The following TTF2 variants were observed in gnomAD, a reference collection of about 807,000 sequenced individuals.
The protein encoded by TTF2 is transcription termination factor 2.
TTF2 carries 108 observed loss-of-function variants against 142.4 expected under a neutral mutation model. That is an observed-to-expected ratio of 0.76 (90% CI 0.65 to 0.89). The LOEUF (loss-of-function observed/expected upper bound fraction) is 0.89, where lower values mean the gene tolerates loss of function less well. TTF2 is among the 40% of genes least tolerant of loss of function. The pLI is 0.00. For synonymous variants in TTF2, 483 were observed against 506.2 expected (o/e 0.95, Z 0.61); for missense variants, 1,327 against 1,379.8 (o/e 0.96, Z 0.61).
chr1:117,086,581 T>G lies in TTF2; in HGVS notation c.2160+59T>G. On this transcript the variant is annotated intron_variant, in intron 12 of 22. Transcript: ENST00000369466. The surrounding 1 kb of genome is among the most constrained non-coding windows in gnomAD (Gnocchi z 4.2). ...GGAGCCACAGATGGTTTAATGGGAG[T>G]CTTTCTCAGCCTCCACGATAGCAAG... 2 of 1,260,172 alleles carry G rather than the reference T, an allele frequency of 1.6e-6. No homozygotes were observed. The highest frequency in any genetic ancestry group is 2.3e-6 in the Non-Finnish European group (2 of 868,442). The allele number at this position is 1,260,172 out of a possible 1,614,324, so 78.1% of individuals were successfully genotyped here.
In TTF2 at chr1:117,096,122, A is replaced by AT. The variant is rs751401864; in HGVS notation, c.3036-20dup. 9.7e-5 allele frequency: 157 copies of AT among 1,612,964 alleles called. 1 individual carries two copies. In the South Asian group the frequency reaches 1.6e-3, roughly 17 times the overall value. On this transcript the variant is annotated intron_variant, in intron 19 of 22. Transcript: ENST00000369466. ...GAGTCTGTTTAATCTATGTTAGGGT[A>AT]TTTTTTTATTTTATTCTTCTTTCCA...
chr1:117,101,373 T>A lies in TTF2; in HGVS notation c.3345-7T>A. On this transcript the variant is annotated splice_region_variant and splice_polypyrimidine_tract_variant and intron_variant, in intron 22 of 22. Transcript: ENST00000369466. The surrounding 1 kb of genome is among the most constrained non-coding windows in gnomAD (Gnocchi z 5.9). ...TAGTTTGCTTATTTTTTGTTTTTGT[T>A]TTTTAGATTTGTTTGTGAGGGAACA... is the stretch of plus-strand genomic sequence containing the variant. The A allele has an allele frequency of 6.4e-7, 1 of 1,573,234 alleles. No homozygotes were observed. The highest frequency in any genetic ancestry group is 1.2e-5 in the South Asian group (1 of 84,078).
chr1:117,087,003 C>T lies in TTF2; in HGVS notation c.2160+481C>T, dbSNP rs960242708. On this transcript the variant is annotated intron_variant, in intron 12 of 22. Transcript: ENST00000369466. The surrounding 1 kb of genome is among the most constrained non-coding windows in gnomAD (Gnocchi z 4.8). ...AGAGGCTAAGTGACAATTGTGAATA[C>T]GTGATGGTCTTCTAGGGTGTCCAGG... 3.3e-5 allele frequency among the ~76,000 whole-genome samples: 5 copies of T among 151,618 alleles called. No homozygotes were observed. Among genetic ancestry groups the T allele is most frequent in the South Asian group, 2.1e-4 (1 of 4,820 alleles).
In TTF2 at chr1:117,060,382, G is replaced by C; in HGVS notation, c.28+8G>C. ...TTAGGTGTCCAGAGCACGGTAAGGG[G>C]CTAGGGTCTCAGCGTCCCGGGGCCT... On this transcript the variant is annotated splice_region_variant and intron_variant, in intron 1 of 22. Coordinates refer to ENST00000369466, the MANE Select transcript of TTF2 (RefSeq NM_003594.4). 6.2e-7 allele frequency: 1 copy of C among 1,608,410 alleles called. No individual in the cohort carries two copies. The highest frequency in any genetic ancestry group is 8.5e-7 in the Non-Finnish European group (1 of 1,176,550).
intron 7 of TTF2, among the ~76,000 whole-genome samples, chr1:117,077,275 A>G (rs1468654520): frequency 6.6e-6 from 1 of 152,170 alleles, no homozygotes; most frequent in African/African-American, 2.4e-5. Flanking sequence ...GAAGTTGCCC[A>G]TATAATAAAG....
Position 117,099,375 on chromosome 1 carries a change from A to G in TTF2, c.3344+468A>G, listed in dbSNP as rs796512338. 8.5e-5 allele frequency among the ~76,000 whole-genome samples: 13 copies of G among 152,264 alleles called. No individual in the cohort carries two copies. Among genetic ancestry groups the G allele is most frequent in the African/African-American group, 2.9e-4 (12 of 41,542 alleles). ...TAAAATTAAGGGAATTCTCTTACGT[A>G]ACCCCAATAAAATCATCAAAATCAG... On this transcript the variant is annotated intron_variant, in intron 22 of 22. Coordinates refer to ENST00000369466, the MANE Select transcript of TTF2 (RefSeq NM_003594.4). The surrounding 1 kb of genome is among the most constrained non-coding windows in gnomAD (Gnocchi z 4.3).
At chr1:117,072,215 CT>C (rs1289616067) in intron 3 of TTF2, among the ~76,000 whole-genome samples, 9 of 151,922 alleles carry the variant, frequency 5.9e-5, no homozygotes, top group Non-Finnish European at 1.3e-4. Flanking sequence ...ATTCAGCCTT[CT>C]TTTTTTGGTG....
chr1:117,083,039 G>C (rs535915194), intron 10 of TTF2, among the ~76,000 whole-genome samples: 4 of 151,954 alleles, frequency 2.6e-5, no homozygotes, highest in African/African-American at 9.7e-5. Context: ...TCAGGAGACC[G>C]AGACCATCCT....
chr1:117,075,382 TCA>T lies in TTF2; in HGVS notation c.801_802del (p.His267GlnfsTer24), dbSNP rs1339591198. 6.2e-7 allele frequency: 1 copy of T among 1,614,074 alleles called. No individual in the cohort carries two copies. Among genetic ancestry groups the T allele is most frequent in the Admixed American group, 1.7e-5 (1 of 60,012 alleles). ...TTACCCAGCTTTTGCCTCAAAATGT[TCA>T]CAGTCACAACTCAATAAGCAAGCCC... ...KVTQLLPQNV[H>X]SHNSISKPQK... On this transcript the variant is annotated frameshift_variant, in exon 5 of 23. Transcript: ENST00000369466. LOFTEE classifies it high-confidence loss of function. This position sits in a 1 kb window ranked among gnomAD's most constrained non-coding sequence, Gnocchi z 4.5.
Position 117,075,946 on chromosome 1 carries a change from A to C in TTF2, c.1275+87A>C. On this transcript the variant is annotated intron_variant, in intron 5 of 22. Coordinates refer to ENST00000369466, the MANE Select transcript of TTF2 (RefSeq NM_003594.4). This position sits in a 1 kb window ranked among gnomAD's most constrained non-coding sequence, Gnocchi z 4.5. The stretch of plus-strand genomic sequence containing the variant: ...AGATCTCATTGCTACAGAAGGGTTA[A>C]ATATGTTCATGTGAAGGTTTTATAG... 1 of 1,499,512 alleles carries C rather than the reference A, an allele frequency of 6.7e-7. No homozygotes were observed. Among genetic ancestry groups the C allele is most frequent in the African/African-American group, 1.4e-5 (1 of 71,580 alleles). 92.9% of individuals were successfully genotyped at this position (1,499,512 alleles called of 1,614,324 possible).
Position 117,075,247 on chromosome 1 carries a change from T to G in TTF2, c.663T>G (p.Ser221=). 6.2e-7 allele frequency: 1 copy of G among 1,614,052 alleles called. No homozygotes were observed. Among genetic ancestry groups the G allele is most frequent in the East Asian group, 2.2e-5 (1 of 44,892 alleles). The change falls in exon 5 of 23, where the codon TCT becomes TCG. Residue 221 remains serine, a synonymous_variant. Coordinates refer to ENST00000369466, the MANE Select transcript of TTF2 (RefSeq NM_003594.4). The surrounding 1 kb of genome is among the most constrained non-coding windows in gnomAD (Gnocchi z 4.5). The stretch of plus-strand genomic sequence containing the variant: ...AAAGAGACTTTTCTGAAATTAAATC[T>G]CAACAGTGCCAAGGTAATGAGCTTA... ...THKRDFSEIK[S]QQCQGNELTR...
chr1:117,106,631 G>C lies in TTF2; in HGVS notation c.*5107G>C, dbSNP rs1649963819. The C allele has an allele frequency of 6.6e-6, 1 of 152,272 alleles. No individual in the cohort carries two copies. The highest frequency in any genetic ancestry group is 1.5e-5 in the Non-Finnish European group (1 of 68,062). The allele number at this position is 152,272 out of a possible 1,614,324, so 9.4% of individuals were successfully genotyped here. A position where few individuals can be genotyped will look rare whatever the true frequency, so the allele number is the denominator to read the frequency against. Reference sequence around the variant, plus strand: ...GGCTGTGAATCAGCCATGATGCTGAGTGCTACAAGAGAGGACTGTGCGGCT... The same window carrying C: ...GGCTGTGAATCAGCCATGATGCTGACTGCTACAAGAGAGGACTGTGCGGCT... On this transcript the variant is annotated 3_prime_UTR_variant, in exon 23 of 23. Coordinates refer to ENST00000369466, the MANE Select transcript of TTF2 (RefSeq NM_003594.4).
In TTF2 at chr1:117,062,518, T is replaced by C. The variant is rs201514968; in HGVS notation, c.218+45T>C. 218 of 1,553,628 alleles carry C rather than the reference T, an allele frequency of 1.4e-4. 1 individual carries two copies. In the East Asian group the frequency reaches 4.7e-3, roughly 34 times the overall value. On this transcript the variant is annotated intron_variant, in intron 3 of 22. Coordinates refer to ENST00000369466, the MANE Select transcript of TTF2 (RefSeq NM_003594.4). ...ATCTAAGTGTATTTGCTTTTTTTTT[T>C]TTTTCTCCCTGAAAGAGTTGTAGCC...
intron 12 of TTF2, among the ~76,000 whole-genome samples, chr1:117,088,533 A>C (rs1456653172): frequency 2.0e-5 from 3 of 151,986 alleles, no homozygotes; most frequent in Non-Finnish European, 4.4e-5. Context: ...CGAGACTCCC[A>C]TCTCAAAAAA....
At position 117,107,283 on chromosome 1, in the gene TTF2, T is replaced by C. The variant is rs2101308740; in HGVS notation, c.*5759T>C. ...AATCCCCAACACCCACACACAAACT[T>C]TAAATATTTGTAACAGAATTGTTAC... On this transcript the variant is annotated 3_prime_UTR_variant, in exon 23 of 23. Transcript: ENST00000369466. 6.6e-6 allele frequency: 1 copy of C among 152,308 alleles called. No individual in the cohort carries two copies. The highest frequency in any genetic ancestry group is 1.9e-4 in the East Asian group (1 of 5,178). 9.4% of individuals were successfully genotyped at this position (152,308 alleles called of 1,614,324 possible).
At position 117,097,706 on chromosome 1, in the gene TTF2, A is replaced by G. The variant is rs529421903; in HGVS notation, c.3269+273A>G. ...ATCTGTTTCCATGGAAACGGGGAGC[A>G]TAGCTTTTCCTCATGGCTAAGAGTT... On this transcript the variant is annotated intron_variant, in intron 21 of 22. Transcript: ENST00000369466. The surrounding 1 kb of genome is among the most constrained non-coding windows in gnomAD (Gnocchi z 4.1). 1.8e-4 allele frequency among the ~76,000 whole-genome samples: 27 copies of G among 152,322 alleles called. No individual in the cohort carries two copies. Among genetic ancestry groups the G allele is most frequent in the African/African-American group, 6.5e-4 (27 of 41,586 alleles).
Position 117,080,940 on chromosome 1 carries a change from C to A in TTF2, c.1784-888C>A, listed in dbSNP as rs1296152561. ...TAATGCCCAAGGTTTTTATTGGGGG[C>A]TGGTTACTTCAGCTGGTTACACAGG... is the stretch of plus-strand genomic sequence containing the variant. On this transcript the variant is annotated intron_variant, in intron 9 of 22. Transcript: ENST00000369466. This position sits in a 1 kb window ranked among gnomAD's most constrained non-coding sequence, Gnocchi z 4.3. 1.3e-5 allele frequency among the ~76,000 whole-genome samples: 2 copies of A among 152,154 alleles called. No homozygotes were observed. The highest frequency in any genetic ancestry group is 2.4e-5 in the African/African-American group (1 of 41,432).
At chr1:117,091,229 C>T in intron 15 of TTF2, 99 bp from the exon 16 acceptor site, 1 of 928,810 alleles carries the variant, frequency 1.1e-6, no homozygotes, top group East Asian at 2.6e-5. Flanking sequence ...CATCATTTAA[C>T]AAGTCTTCTA....
Position 117,097,312 on chromosome 1 carries a change from C to A in TTF2, c.3187-39C>A. 1.3e-6 allele frequency: 2 copies of A among 1,589,020 alleles called. No individual in the cohort carries two copies. Among genetic ancestry groups the A allele is most frequent in the Non-Finnish European group, 1.7e-6 (2 of 1,157,284 alleles). ...CTGAGACCGAGATGTGTTACGAGAC[C>A]AAGTCTGTTTAAAGTTAATGTTGTG... On this transcript the variant is annotated intron_variant, in intron 20 of 22. Coordinates refer to ENST00000369466, the MANE Select transcript of TTF2 (RefSeq NM_003594.4). This position sits in a 1 kb window ranked among gnomAD's most constrained non-coding sequence, Gnocchi z 4.1.
Sources: allele counts gnomAD v4.1 joint callset (sites outside exome capture counted in the v4.1 genomes callset), GRCh38; gene constraint gnomAD v4.1.1; non-coding constraint Gnocchi (gnomAD v3.1); transcripts MANE v1.5; gene names NCBI Gene and HGNC (gene_info 2026-07-23, HGNC 2026-07-21).